The following COL17A1 variants were observed in gnomAD, a reference collection of about 807,000 sequenced individuals.
The protein encoded by COL17A1 is collagen alpha-1(XVII) chain.
Under a neutral mutation model 218.4 loss-of-function variants are expected in COL17A1, and 181 were observed. The observed-to-expected ratio is 0.83, with a 90% CI of 0.73 to 0.94. COL17A1 has a LOEUF of 0.94. Among genes scored for constraint, COL17A1 ranks in the 40% least tolerant of loss-of-function variants. The pLI, the probability that COL17A1 is intolerant of heterozygous loss-of-function variation, is 0.00. For missense variants in COL17A1, 1,924 were observed against 1,945.9 expected, an observed-to-expected ratio of 0.99 and a Z score of 0.21; for synonymous variants, 721 against 731.0, an observed-to-expected ratio of 0.99 and a Z score of 0.22.
chr10:104,049,508 C>G (rs1321359465), intron 28 of COL17A1, 37 bp from the exon 29 acceptor site: 2 of 1,607,994 alleles, frequency 1.2e-6, no homozygotes, highest in Admixed American at 1.7e-5. Context: ...TGGACACTTG[C>G]AAGCTGTGTA....
At chr10:104,051,204 G>C (rs2086465990) in intron 25 of COL17A1, among the ~76,000 whole-genome samples, 1 of 152,162 alleles carries the variant, frequency 6.6e-6, no homozygotes, top group South Asian at 2.1e-4. Flanking sequence ...ACAAGAGAGA[G>C]GCAGGTGCTT....
At chr10:104,071,038 C>T (rs1208650287) in intron 8 of COL17A1, among the ~76,000 whole-genome samples, 1 of 152,216 alleles carries the variant, frequency 6.6e-6, no homozygotes, top group Non-Finnish European at 1.5e-5. Context: ...AAATATTATG[C>T]TGTGTTCACG....
chr10:104,056,926 CT>C (rs765430610), intron 17 of COL17A1, 48 bp downstream of exon 17: 1 of 1,549,760 alleles, frequency 6.5e-7, no homozygotes, highest in Non-Finnish European at 8.7e-7. Flanking sequence ...GGCAGTGGGG[CT>C]GGCCTGCCTC....
At chr10:104,058,310 A>G (rs2086550955) in intron 15 of COL17A1, 120 bp from the exon 16 acceptor site, 1 of 1,214,112 alleles carries the variant, frequency 8.2e-7, no homozygotes, top group Admixed American at 2.0e-5. Flanking sequence ...AACGACGTGC[A>G]GGAACATCCA....
At chr10:104,037,609 A>G (rs1181722336) in intron 46 of COL17A1, 27 bp downstream of exon 46, 2 of 1,613,918 alleles carry the variant, frequency 1.2e-6, no homozygotes, top group East Asian at 4.5e-5. Context: ...GGAAGGTGCC[A>G]GGTGCAGGGC....
rs1844691569 is a variant in COL17A1 at position 104,032,072 on chromosome 10, T to C, written c.*163A>G. The stretch of plus-strand genomic sequence containing the variant: ...ATTGTGTATCTTTGACTGAATTCTA[T>C]AAGTATATATTGTTCAGACTAAAAC... On this transcript the variant is annotated 3_prime_UTR_variant, in exon 56 of 56. Transcript: ENST00000648076. 1.5e-6 allele frequency: 1 copy of C among 653,368 alleles called. No individual in the cohort carries two copies. Among genetic ancestry groups the C allele is most frequent in the Non-Finnish European group, 2.8e-6 (1 of 361,248 alleles). The allele number at this position is 653,368 out of a possible 1,614,324, so 40.5% of individuals were successfully genotyped here.
In COL17A1 at chr10:104,041,330, C is replaced by T. The variant is rs1400833370; in HGVS notation, c.2620G>A (p.Gly874Ser). Residue 874 changes from glycine to serine, a missense_variant, in exon 38 of 56, where the codon GGC becomes AGC. By Grantham distance (56) the Gly-to-Ser change is moderately conservative (BLOSUM62 0). Coordinates refer to ENST00000648076, the MANE Select transcript of COL17A1 (RefSeq NM_000494.4). ...PRGPPGPSIP[G>S]PPGPRGPPGE... The stretch of plus-strand genomic sequence containing the variant: ...GGTGGGCCTCGGGGTCCTGGTGGGC[C>T]TGGAATGGAAGGCCCTGCAGAAGAG... 1.2e-6 allele frequency: 2 copies of T among 1,610,854 alleles called. No homozygotes were observed. Among genetic ancestry groups the T allele is most frequent in the Non-Finnish European group, 1.7e-6 (2 of 1,178,708 alleles).
In COL17A1 at chr10:104,061,487, AG is replaced by A. The variant is rs1368268536; in HGVS notation, c.911-15del. The A allele has an allele frequency of 2.5e-6, 4 of 1,611,624 alleles. No individual in the cohort carries two copies. The highest frequency in any genetic ancestry group is 3.4e-6 in the Non-Finnish European group (4 of 1,179,008). On this transcript the variant is annotated splice_polypyrimidine_tract_variant and intron_variant, in intron 12 of 55. Transcript: ENST00000648076. ...TCACCCCATATGCTGCAAGAAAGGA[AG>A]CTGGGTCAGCATGGGAGGGTGGTTC...
At chr10:104,041,846 C>A (rs2086362555) in intron 36 of COL17A1, among the ~76,000 whole-genome samples, 1 of 152,170 alleles carries the variant, frequency 6.6e-6, no homozygotes, top group African/African-American at 2.4e-5. Context: ...ACACGTCTAG[C>A]TGGTGACTTT....
chr10:104,036,733 C>A (rs1040257698), intron 47 of COL17A1, 101 bp from the exon 48 acceptor site: 2 of 1,431,350 alleles, frequency 1.4e-6, no homozygotes, highest in Non-Finnish European at 1.9e-6. Context: ...CTGGCTCCTG[C>A]GTGACATTTG....
intron 5 of COL17A1, among the ~76,000 whole-genome samples, chr10:104,075,249 C>G (rs1160879752): frequency 6.6e-6 from 1 of 152,166 alleles, no homozygotes; most frequent in East Asian, 1.9e-4. Context: ...TCCCTGAACT[C>G]AAATCCTGCA....
chr10:104,077,180 G>A (rs1381516917), intron 4 of COL17A1, among the ~76,000 whole-genome samples: 2 of 152,206 alleles, frequency 1.3e-5, no homozygotes, highest in Non-Finnish European at 2.9e-5. Context: ...CTGATTTTAA[G>A]TAGGCTTCAA....
At chr10:104,056,458 T>C (rs1197838560) in intron 17 of COL17A1, among the ~76,000 whole-genome samples, 1 of 152,044 alleles carries the variant, frequency 6.6e-6, no homozygotes, top group Non-Finnish European at 1.5e-5. Flanking sequence ...GACATGCGCC[T>C]GTAGTCCCAG....
intron 2 of COL17A1, among the ~76,000 whole-genome samples, chr10:104,079,763 TA>T: frequency 6.6e-6 from 1 of 152,172 alleles, no homozygotes. Flanking sequence ...CCGTCTCTAC[TA>T]AAAACACAAA....
At chr10:104,068,821 T>C (rs2086647363) in intron 9 of COL17A1, among the ~76,000 whole-genome samples, 1 of 152,082 alleles carries the variant, frequency 6.6e-6, no homozygotes, top group Non-Finnish European at 1.5e-5. Flanking sequence ...ATCCCACAGA[T>C]CCCTAAGGTG....
At chr10:104,041,620 G>T in intron 36 of COL17A1, 82 bp from the exon 37 acceptor site, 3 of 1,197,764 alleles carry the variant, frequency 2.5e-6, no homozygotes, top group Non-Finnish European at 2.4e-6. Flanking sequence ...CACTGGATCT[G>T]CAGTTCCAGG....
At chr10:104,043,423 G>T in intron 35 of COL17A1, 78 bp downstream of exon 35, 1 of 1,345,550 alleles carries the variant, frequency 7.4e-7, no homozygotes, top group Non-Finnish European at 1.1e-6. Flanking sequence ...TGGGTTTCAG[G>T]ATCTGAAGAA....
In COL17A1 at chr10:104,048,145, T is replaced by G. The variant is rs745480236; in HGVS notation, c.2228-41A>C. Reference sequence around the variant, plus strand: ...CAAGGTCTCTCAGTTGCTCCTGGAGTGATTTCTGCGATTCCTCCCTCTACT... The same window carrying G: ...CAAGGTCTCTCAGTTGCTCCTGGAGGGATTTCTGCGATTCCTCCCTCTACT... On this transcript the variant is annotated intron_variant, in intron 29 of 55. Transcript: ENST00000648076. 6.8e-6 allele frequency: 11 copies of G among 1,609,738 alleles called. No homozygotes were observed. In the South Asian group the frequency reaches 1.1e-4, roughly 16 times the overall value.
chr10:104,062,221 C>A, intron 12 of COL17A1, 37 bp downstream of exon 12: 1 of 1,614,210 alleles, frequency 6.2e-7, no homozygotes. Context: ...AGAGGTGTCA[C>A]TTTCCAGCGC....
Sources: gnomAD v4.1 joint callset for allele counts (sites outside exome capture counted in the v4.1 genomes callset) on GRCh38, gnomAD v4.1.1 for gene constraint, MANE v1.5 for transcripts, NCBI Gene and HGNC (gene_info 2026-07-23, HGNC 2026-07-21) for gene names.